SNX29: variants seen among roughly 807,000 people sequenced by gnomAD.
SNX29 encodes the protein sorting nexin-29.
SNX29 carries 78 observed loss-of-function variants against 102.1 expected under a neutral mutation model. The observed-to-expected ratio is 0.76, with a 90% confidence interval of 0.64 to 0.92. The LOEUF (loss-of-function observed/expected upper bound fraction) is 0.92, where lower values mean the gene tolerates loss of function less well. Ranked by LOEUF, SNX29 falls within the 40% of genes least tolerant of loss-of-function variation. SNX29 has a pLI of 0.00. For synonymous variants in SNX29, 580 were observed against 414.5 expected (o/e 1.40, Z -4.85); for missense variants, 1,280 against 1,061.7 (o/e 1.21, Z -2.86).
intron 15 of SNX29, among the ~76,000 whole-genome samples, chr16:12,352,808 T>G (rs1016370026): frequency 6.6e-5 from 10 of 152,220 alleles, no homozygotes; most frequent in African/African-American, 2.4e-4. Flanking sequence ...CACCTGGCAT[T>G]TACTTTTGAT....
intron 8 of SNX29, among the ~76,000 whole-genome samples, chr16:12,060,334 G>A (rs2050718903): frequency 6.6e-6 from 1 of 152,196 alleles, no homozygotes; most frequent in African/African-American, 2.4e-5. Flanking sequence ...TCTTATGCCT[G>A]TAATCCTAGC....
At chr16:12,200,515 C>T (rs550538632) in intron 14 of SNX29, among the ~76,000 whole-genome samples, 7 of 151,350 alleles carry the variant, frequency 4.6e-5, no homozygotes, top group Non-Finnish European at 8.8e-5. Flanking sequence ...CAGAGCCTCA[C>T]TCTACCGCCC....
chr16:12,572,630 C>T lies in SNX29; in HGVS notation c.*4001C>T, dbSNP rs549099178. On this transcript the variant is annotated 3_prime_UTR_variant, in exon 21 of 21. Coordinates refer to ENST00000566228, the MANE Select transcript of SNX29 (RefSeq NM_032167.5). ...CCCTCCGGCTACCCCCAGAATCCATCCTTCATTCCTCCACCAAGCTCCTGT... is the reference window on the plus strand; with the variant it reads ...CCCTCCGGCTACCCCCAGAATCCATTCTTCATTCCTCCACCAAGCTCCTGT... The T allele has an allele frequency of 1.9e-3, 2,000 of 1,063,948 alleles. 3 individuals are homozygous for T. Among genetic ancestry groups the T allele is most frequent in the Non-Finnish European group, 2.2e-3 (1,924 of 878,402 alleles). 65.9% of individuals were successfully genotyped at this position (1,063,948 alleles called of 1,614,324 possible).
At chr16:12,561,513 A>C (rs772835884) in intron 20 of SNX29, among the ~76,000 whole-genome samples, 6 of 152,180 alleles carry the variant, frequency 3.9e-5, no homozygotes, top group Non-Finnish European at 8.8e-5. Context: ...CAGGTGAAAC[A>C]AAGTGAAAAG....
intron 20 of SNX29, among the ~76,000 whole-genome samples, chr16:12,530,582 T>C (rs759642607): frequency 1.3e-5 from 2 of 151,860 alleles, no homozygotes; most frequent in African/African-American, 2.4e-5. Context: ...TGGGGAACAG[T>C]TGCGCTCTTG....
chr16:12,021,710 A>G (rs1390281499), intron 3 of SNX29, among the ~76,000 whole-genome samples: 1 of 152,066 alleles, frequency 6.6e-6, no homozygotes, highest in Non-Finnish European at 1.5e-5. Context: ...CAACATGGTG[A>G]AACCCTGGCT....
chr16:12,400,257 C>T (rs1233663035), intron 17 of SNX29, among the ~76,000 whole-genome samples: 1 of 152,234 alleles, frequency 6.6e-6, no homozygotes, highest in Non-Finnish European at 1.5e-5. Flanking sequence ...TCCCACTCCT[C>T]TCCCTGCACC....
At chr16:12,066,698 T>C (rs2051053557) in intron 9 of SNX29, among the ~76,000 whole-genome samples, 1 of 150,434 alleles carries the variant, frequency 6.6e-6, no homozygotes, top group Admixed American at 6.7e-5. Context: ...GGGCCGGAGA[T>C]TAGTGTTGGG....
chr16:12,210,145 A>G (rs189732815), intron 14 of SNX29, among the ~76,000 whole-genome samples: 1 of 152,120 alleles, frequency 6.6e-6, no homozygotes, highest in African/African-American at 2.4e-5. Context: ...TACGTCGGCT[A>G]CTTTCCAGGC....
chr16:12,211,726 G>C (rs189977525), intron 14 of SNX29, among the ~76,000 whole-genome samples: 18 of 152,228 alleles, frequency 1.2e-4, no homozygotes, highest in African/African-American at 4.1e-4. Context: ...AGGCCGTCTG[G>C]GGGCAGAATT....
intron 15 of SNX29, among the ~76,000 whole-genome samples, chr16:12,285,411 T>C (rs1445074278): frequency 3.3e-5 from 5 of 152,228 alleles, no homozygotes; most frequent in South Asian, 2.1e-4. Flanking sequence ...AAGACACTTA[T>C]CGTTTACTGT....
chr16:12,161,714 A>G (rs1051826459), intron 13 of SNX29, among the ~76,000 whole-genome samples: 5 of 152,108 alleles, frequency 3.3e-5, no homozygotes, highest in African/African-American at 9.7e-5. Context: ...TTGCTCTATT[A>G]GTTAATGCCA....
chr16:12,276,862 G>C (rs933035299), intron 14 of SNX29, among the ~76,000 whole-genome samples: 3 of 152,138 alleles, frequency 2.0e-5, no homozygotes, highest in African/African-American at 7.2e-5. Context: ...GTGCATGCTT[G>C]CTCTGACCTG....
At chr16:12,566,841 A>T (rs985316906) in intron 20 of SNX29, among the ~76,000 whole-genome samples, 2 of 152,208 alleles carry the variant, frequency 1.3e-5, no homozygotes, top group Admixed American at 1.3e-4. Flanking sequence ...TCAAGGTCAA[A>T]TGTTTCTTTT....
intron 14 of SNX29, among the ~76,000 whole-genome samples, chr16:12,258,838 A>G (rs1206754933): frequency 5.9e-5 from 9 of 152,056 alleles, no homozygotes; most frequent in East Asian, 1.9e-4. Flanking sequence ...GTTATTTTTT[A>G]TCTAATATAT....
intron 20 of SNX29, among the ~76,000 whole-genome samples, chr16:12,566,856 C>T (rs1356497271): frequency 1.3e-5 from 2 of 152,232 alleles, no homozygotes; most frequent in African/African-American, 2.4e-5. Flanking sequence ...TCTTTTTCAT[C>T]CATGCACAGA....
intron 19 of SNX29, among the ~76,000 whole-genome samples, chr16:12,497,605 C>T (rs1003908967): frequency 2.0e-5 from 3 of 152,212 alleles, no homozygotes; most frequent in Admixed American, 2.0e-4. Context: ...CTTGACCAGT[C>T]TCCTTCTCTT....
intron 15 of SNX29, among the ~76,000 whole-genome samples, chr16:12,353,047 C>T (rs1023255167): frequency 2.0e-5 from 3 of 152,122 alleles, no homozygotes; most frequent in Non-Finnish European, 2.9e-5. Flanking sequence ...AGGTGACTCC[C>T]GAATGTTAAC....
At chr16:12,253,389 A>G (rs1291851308) in intron 14 of SNX29, among the ~76,000 whole-genome samples, 2 of 152,222 alleles carry the variant, frequency 1.3e-5, no homozygotes, top group Admixed American at 6.5e-5. Flanking sequence ...ACAGAAGATA[A>G]TCAACAAATA....
Sources: allele counts gnomAD v4.1 joint callset (sites outside exome capture counted in the v4.1 genomes callset), GRCh38; gene constraint gnomAD v4.1.1; transcripts MANE v1.5; gene names NCBI Gene and HGNC (gene_info 2026-07-23, HGNC 2026-07-21).